The following FRYL variants were observed in gnomAD, a reference collection of about 807,000 sequenced individuals.
FRYL encodes FRY like transcription coactivator, also known as protein furry homolog-like.
A neutral mutation model predicts 351.2 loss-of-function variants in FRYL; 150 were observed. That is an observed-to-expected ratio of 0.43 (90% CI 0.37 to 0.49). FRYL has a LOEUF of 0.49. Ranked by LOEUF, FRYL falls within the 20% of genes least tolerant of loss-of-function variation. FRYL has a pLI of 0.00. For missense variants in FRYL, 3,036 were observed against 3,619.3 expected (o/e 0.84, Z 4.13); for synonymous variants, 1,153 against 1,257.1 (o/e 0.92, Z 1.75).
At chr4:48,733,856 C>T (rs1481249554) in intron 1 of FRYL, among the ~76,000 whole-genome samples, 1 of 151,940 alleles carries the variant, frequency 6.6e-6, no homozygotes, top group African/African-American at 2.4e-5. Flanking sequence ...CCACTAAATG[C>T]ACATTGCAAA....
intron 3 of FRYL, among the ~76,000 whole-genome samples, chr4:48,644,441 CATAAT>C (rs1476201880): frequency 2.2e-5 from 3 of 138,458 alleles, no homozygotes; most frequent in African/African-American, 8.1e-5. Context: ...TATATCAGAA[CATAAT>C]ATAACAATAA....
intron 1 of FRYL, among the ~76,000 whole-genome samples, chr4:48,729,487 G>A (rs764606802): frequency 6.6e-6 from 1 of 152,136 alleles, no homozygotes; most frequent in Non-Finnish European, 1.5e-5. Flanking sequence ...TCTCAGTAGG[G>A]ACTGACAGAC....
At position 48,576,159 on chromosome 4, in the gene FRYL, C is replaced by T. The variant is rs1739550319; in HGVS notation, c.2592G>A (p.Trp864Ter). The change falls in exon 24 of 64, where the codon TGG (tryptophan) becomes TGA (stop). Residue 864 changes from tryptophan (W) to a stop codon, truncating the protein, a stop_gained. Transcript: ENST00000358350. LOFTEE classifies it high-confidence loss of function. The part of the protein sequence containing the change: ...TTSSDSYIGL[W>*]RNYLILCCSA... ...TGCAGCAAAGGATCAGATAGTTTCT[C>T]CACAGGCCAATGTATGAGTCACTGC... 6.2e-7 allele frequency: 1 copy of T among 1,613,752 alleles called. No homozygotes were observed. The highest frequency in any genetic ancestry group is 8.5e-7 in the Non-Finnish European group (1 of 1,179,894).
intron 3 of FRYL, among the ~76,000 whole-genome samples, chr4:48,644,433 T>C (rs183927665): frequency 1.3e-5 from 2 of 149,036 alleles, no homozygotes; most frequent in African/African-American, 4.9e-5. Flanking sequence ...AATATGATTA[T>C]ATCAGAACAT....
intron 50 of FRYL, among the ~76,000 whole-genome samples, chr4:48,528,638 T>C (rs1249793023): frequency 1.3e-5 from 2 of 152,174 alleles, no homozygotes; most frequent in African/African-American, 4.8e-5. Flanking sequence ...ACCATGATTA[T>C]AAAATATACC....
At chr4:48,584,021 A>T (rs556827881) in intron 19 of FRYL, among the ~76,000 whole-genome samples, 1 of 152,334 alleles carries the variant, frequency 6.6e-6, no homozygotes, top group East Asian at 1.9e-4. Context: ...CATCAAAACA[A>T]TATGGGGCTT....
chr4:48,657,984 A>G (rs1759600903), intron 3 of FRYL, among the ~76,000 whole-genome samples: 1 of 152,172 alleles, frequency 6.6e-6, no homozygotes, highest in Non-Finnish European at 1.5e-5. Context: ...GGATTCATGG[A>G]AGTAGCTACT....
intron 3 of FRYL, among the ~76,000 whole-genome samples, chr4:48,680,077 T>C (rs1192173150): frequency 6.6e-6 from 1 of 152,022 alleles, no homozygotes; most frequent in African/African-American, 2.4e-5. Flanking sequence ...ACAATAAGTC[T>C]CATTTTTTCA....
intron 3 of FRYL, among the ~76,000 whole-genome samples, chr4:48,652,641 A>G (rs867362758): frequency 6.6e-6 from 1 of 152,242 alleles, no homozygotes. Flanking sequence ...TGCATTTACA[A>G]ACCTCCTCAA....
At position 48,546,642 on chromosome 4, in the gene FRYL, T is replaced by C. The variant is rs183647156; in HGVS notation, c.5075-371A>G. 82 of 201,642 alleles carry C rather than the reference T, an allele frequency of 4.1e-4. No individual in the cohort carries two copies. The East Asian group carries it at 4.6e-3, about 11-fold the overall frequency. The allele number at this position is 201,642 out of a possible 1,614,324, so 12.5% of individuals were successfully genotyped here. On this transcript the variant is annotated intron_variant, in intron 41 of 63. Coordinates refer to ENST00000358350, the MANE Select transcript of FRYL (RefSeq NM_015030.2). Reference sequence around the variant, plus strand: ...TTAACTTTTTATAGAAAATTTTCTATAATTTTTGATCCATTTCCATTGCAG... The same window carrying C: ...TTAACTTTTTATAGAAAATTTTCTACAATTTTTGATCCATTTCCATTGCAG...
intron 2 of FRYL, among the ~76,000 whole-genome samples, chr4:48,694,263 T>TA (rs974521474): frequency 7.9e-5 from 12 of 151,560 alleles, no homozygotes; most frequent in African/African-American, 2.2e-4. Flanking sequence ...TTCACTTCAA[T>TA]AAAAAAATAC....
rs1468184997 is a variant in FRYL, at chr4:48,555,524, A to G, written c.4266+1454T>C. On this transcript the variant is annotated intron_variant, in intron 35 of 63. Coordinates refer to ENST00000358350, the MANE Select transcript of FRYL (RefSeq NM_015030.2). ...AGCAGAAGTCCCAGTGGGCACTGCCACCTGAAGGAGGACCTGAAAGAGGTG... is the reference window on the plus strand; with the variant it reads ...AGCAGAAGTCCCAGTGGGCACTGCCGCCTGAAGGAGGACCTGAAAGAGGTG... 2.6e-5 allele frequency among the ~76,000 whole-genome samples: 4 copies of G among 152,208 alleles called. No individual in the cohort carries two copies. In the East Asian group the frequency reaches 7.7e-4, roughly 29 times the overall value.
At chr4:48,583,019 C>A (rs1039385637) in intron 19 of FRYL, among the ~76,000 whole-genome samples, 9 of 152,078 alleles carry the variant, frequency 5.9e-5, no homozygotes, top group African/African-American at 2.2e-4. Flanking sequence ...ATTTAAAATC[C>A]TTTAATCCTT....
At chr4:48,723,357 G>A (rs1769705370) in intron 1 of FRYL, among the ~76,000 whole-genome samples, 1 of 152,004 alleles carries the variant, frequency 6.6e-6, no homozygotes, top group East Asian at 1.9e-4. Context: ...TGCCCAGGCT[G>A]GTCTCGAATG....
chr4:48,683,729 A>T (rs1764895244), intron 3 of FRYL, among the ~76,000 whole-genome samples: 1 of 152,196 alleles, frequency 6.6e-6, no homozygotes, highest in Non-Finnish European at 1.5e-5. Context: ...TTAGAAGCAG[A>T]TTGTCTCTTA....
chr4:48,768,416 T>C (rs1775176669), intron 1 of FRYL, among the ~76,000 whole-genome samples: 1 of 152,196 alleles, frequency 6.6e-6, no homozygotes, highest in Non-Finnish European at 1.5e-5. Context: ...GGTAAAAAAG[T>C]GATTATTTTG....
At chr4:48,712,463 T>TA (rs1014435719) in intron 1 of FRYL, among the ~76,000 whole-genome samples, 41 of 152,234 alleles carry the variant, frequency 2.7e-4, no homozygotes, top group Non-Finnish European at 5.4e-4. Flanking sequence ...GAAGAAAGGG[T>TA]ATCAGCGATG....
chr4:48,636,415 T>C (rs150027964), intron 3 of FRYL, among the ~76,000 whole-genome samples: 124 of 152,198 alleles, frequency 8.1e-4, no homozygotes, highest in African/African-American at 2.8e-3. Flanking sequence ...ACAGTAAATG[T>C]AACTAAACAA....
intron 31 of FRYL, among the ~76,000 whole-genome samples, chr4:48,563,217 G>A (rs1735910666): frequency 6.6e-6 from 1 of 151,186 alleles, no homozygotes; most frequent in African/African-American, 2.4e-5. Context: ...TGGCTTCCCT[G>A]GGCCATATCA....
Sources: allele counts gnomAD v4.1 joint callset (sites outside exome capture counted in the v4.1 genomes callset), GRCh38; gene constraint gnomAD v4.1.1; transcripts MANE v1.5; gene names NCBI Gene and HGNC (gene_info 2026-07-23, HGNC 2026-07-21).